The following RPS6KA2 variants were observed in gnomAD, a reference collection of about 807,000 sequenced individuals.
RPS6KA2 encodes ribosomal protein S6 kinase A2, also known as ribosomal protein S6 kinase alpha-2.
In RPS6KA2, 42 loss-of-function variants were observed where a neutral mutation model predicts 91.8. That is an observed-to-expected ratio of 0.46 (90% CI 0.36 to 0.59). RPS6KA2 has a LOEUF of 0.59. RPS6KA2 is among the 20% of genes least tolerant of loss of function. The pLI, the probability that RPS6KA2 is intolerant of heterozygous loss-of-function variation, is 0.00. For synonymous variants in RPS6KA2, 414 were observed against 393.6 expected, an observed-to-expected ratio of 1.05 and a Z score of -0.61; for missense variants, 798 against 978.5, an observed-to-expected ratio of 0.82 and a Z score of 2.46.
intron 2 of RPS6KA2, among the ~76,000 whole-genome samples, chr6:166,756,791 A>T (rs1412784666): frequency 6.6e-6 from 1 of 152,212 alleles, no homozygotes; most frequent in African/African-American, 2.4e-5. Flanking sequence ...GGTTGTGGTG[A>T]GCCGAGATGG....
intron 2 of RPS6KA2, among the ~76,000 whole-genome samples, chr6:166,715,110 GAGGGTGGGC>G (rs577475661): frequency 1.1e-3 from 171 of 152,378 alleles, no homozygotes; most frequent in African/African-American, 3.9e-3. Context: ...AAAGGCAGTG[GAGGGTGGGC>G]AGGTGGAGCA....
In RPS6KA2 at chr6:166,437,462, C is replaced by T. The variant is rs1027390830; in HGVS notation, c.1333-4972G>A. Reference sequence around the variant, plus strand: ...ACGCGCCACGGAGTAGGAGTGGTGTCGTGGGGCGGGGGACAAGCTCGCTCA... The same window carrying T: ...ACGCGCCACGGAGTAGGAGTGGTGTTGTGGGGCGGGGGACAAGCTCGCTCA... On this transcript the variant is annotated intron_variant, in intron 14 of 20. Coordinates refer to ENST00000265678, the MANE Select transcript of RPS6KA2 (RefSeq NM_021135.6). The surrounding 1 kb of genome is among the most constrained non-coding windows in gnomAD (Gnocchi z 4.3). Among the ~76,000 whole-genome samples the T allele has an allele frequency of 2.0e-5, 3 of 152,178 alleles. No homozygotes were observed. Among genetic ancestry groups the T allele is most frequent in the South Asian group, 2.1e-4 (1 of 4,834 alleles).
chr6:166,625,889 T>C (rs1484486440), intron 1 of RPS6KA2, among the ~76,000 whole-genome samples: 1 of 152,240 alleles, frequency 6.6e-6, no homozygotes, highest in South Asian at 2.1e-4. Context: ...TCTCTTCTAC[T>C]TTTTTGTCTA....
At chr6:166,814,688 G>T (rs1243090623) in intron 2 of RPS6KA2, among the ~76,000 whole-genome samples, 5 of 152,156 alleles carry the variant, frequency 3.3e-5, no homozygotes, top group African/African-American at 1.2e-4. Flanking sequence ...GGCAGCATTA[G>T]ATTCTCATAG....
rs1779277444 is a variant in RPS6KA2 at position 166,435,788 on chromosome 6, C to T, written c.1333-3298G>A. ...GCTTGGCCTGTGGCCATGTCACTTG[C>T]TGGTACTTGAATGTGGGTGTCTGCA... On this transcript the variant is annotated intron_variant, in intron 14 of 20. Transcript: ENST00000265678. This position sits in a 1 kb window ranked among gnomAD's most constrained non-coding sequence, Gnocchi z 4.3. 6.6e-6 allele frequency among the ~76,000 whole-genome samples: 1 copy of T among 152,236 alleles called. No homozygotes were observed. The highest frequency in any genetic ancestry group is 1.5e-5 in the Non-Finnish European group (1 of 68,038).
intron 1 of RPS6KA2, among the ~76,000 whole-genome samples, chr6:166,552,466 A>G (rs1583272924): frequency 6.6e-6 from 1 of 152,154 alleles, no homozygotes; most frequent in South Asian, 2.1e-4. Context: ...AACTTTCTAC[A>G]CTCCAGAAGC....
At chr6:166,683,007 G>A (rs116639258) in intron 2 of RPS6KA2, among the ~76,000 whole-genome samples, 198 of 152,304 alleles carry the variant, frequency 1.3e-3, no homozygotes, top group African/African-American at 4.2e-3. Context: ...GAAACTAGGG[G>A]AAGGCCTACC....
chr6:166,812,054 G>A (rs187269967), intron 2 of RPS6KA2, among the ~76,000 whole-genome samples: 5 of 152,150 alleles, frequency 3.3e-5, no homozygotes, highest in African/African-American at 9.7e-5. Context: ...CCTGGAAAAC[G>A]AGTGGATGAA....
At chr6:166,480,479 T>TTATATATATATATAA (rs1781157887) in intron 10 of RPS6KA2, among the ~76,000 whole-genome samples, 4 of 99,874 alleles carry the variant, frequency 4.0e-5, no homozygotes, top group African/African-American at 1.4e-4. Flanking sequence ...GATTGTGATT[T>TTATATATATATATAA]TATATATATA....
chr6:166,487,214 T>C (rs1781442121), intron 10 of RPS6KA2, among the ~76,000 whole-genome samples: 1 of 152,182 alleles, frequency 6.6e-6, no homozygotes. Flanking sequence ...GCTGAAATGT[T>C]GCAGGGATTT....
intron 2 of RPS6KA2, chr6:166,757,469 A>G: frequency 2.2e-6 from 1 of 455,402 alleles, no homozygotes; most frequent in South Asian, 1.6e-5. Context: ...ATTTCCCAGC[A>G]GTAAATAAAA....
upstream of RPS6KA2, among the ~76,000 whole-genome samples, chr6:166,629,224 G>A (rs116867120): frequency 0.012 from 1,838 of 152,348 alleles, 29 homozygotes; most frequent in East Asian, 0.055. Context: ...AATACTGGCC[G>A]GAGACAGGAG....
intron 10 of RPS6KA2, among the ~76,000 whole-genome samples, chr6:166,474,871 A>T (rs559306774): frequency 1.6e-4 from 24 of 152,326 alleles, no homozygotes; most frequent in African/African-American, 5.5e-4. Context: ...AGCGCCAAGC[A>T]CAGAGGGACC....
intron 2 of RPS6KA2, among the ~76,000 whole-genome samples, chr6:166,710,098 G>A (rs1276734783): frequency 3.3e-5 from 5 of 152,310 alleles, no homozygotes; most frequent in African/African-American, 1.2e-4. Flanking sequence ...ATCACACAAT[G>A]TCTTTTTTCC....
Position 166,433,213 on chromosome 6 carries a change from G to A in RPS6KA2, c.1333-723C>T, listed in dbSNP as rs552081152. Among the ~76,000 whole-genome samples the A allele has an allele frequency of 1.1e-4, 17 of 152,144 alleles. No homozygotes were observed. Among genetic ancestry groups the A allele is most frequent in the East Asian group, 1.9e-4 (1 of 5,198 alleles). On this transcript the variant is annotated intron_variant, in intron 14 of 20. Coordinates refer to ENST00000265678, the MANE Select transcript of RPS6KA2 (RefSeq NM_021135.6). The surrounding 1 kb of genome is among the most constrained non-coding windows in gnomAD (Gnocchi z 4.4). ...AACCAGCCACAAAATGAGGTGAGGC[G>A]CATGGCTCTCACCAAGAGATGCTGG...
chr6:166,513,832 C>T (rs994355986), intron 3 of RPS6KA2, among the ~76,000 whole-genome samples: 1 of 152,172 alleles, frequency 6.6e-6, no homozygotes, highest in African/African-American at 2.4e-5. Context: ...AATTTTGTAC[C>T]CCTGGCTATG....
chr6:166,836,085 G>A (rs1227212553), intron 2 of RPS6KA2, among the ~76,000 whole-genome samples: 1 of 151,886 alleles, frequency 6.6e-6, no homozygotes, highest in African/African-American at 2.4e-5. Context: ...ACTTTTTTAT[G>A]ATGCATTATT....
intron 2 of RPS6KA2, among the ~76,000 whole-genome samples, chr6:166,751,539 G>A (rs1378387482): frequency 6.6e-6 from 1 of 152,258 alleles, no homozygotes; most frequent in African/African-American, 2.4e-5. Context: ...GATGGCGACA[G>A]GGGCTTGAGG....
chr6:166,556,431 C>G (rs1562577319), intron 1 of RPS6KA2, among the ~76,000 whole-genome samples: 2 of 152,224 alleles, frequency 1.3e-5, no homozygotes, highest in Non-Finnish European at 2.9e-5. Context: ...GAAAGATACC[C>G]ATGTTAATCT....
Sources: allele counts gnomAD v4.1 joint callset (sites outside exome capture counted in the v4.1 genomes callset), GRCh38; gene constraint gnomAD v4.1.1; non-coding constraint Gnocchi (gnomAD v3.1); transcripts MANE v1.5; gene names NCBI Gene and HGNC (gene_info 2026-07-23, HGNC 2026-07-21).